SYNDIG1L: variants seen among roughly 807,000 people sequenced by gnomAD.
The protein encoded by SYNDIG1L is synapse differentiation-inducing gene protein 1-like.
Under a neutral mutation model 20.1 loss-of-function variants are expected in SYNDIG1L, and 13 were observed. That is an observed-to-expected ratio of 0.65 (90% CI 0.42 to 1.03). The LOEUF is 1.03. SYNDIG1L is among the 50% of genes least tolerant of loss of function. The pLI, the probability that SYNDIG1L is intolerant of heterozygous loss-of-function variation, is 0.00. For missense variants in SYNDIG1L, 294 were observed against 305.1 expected, an observed-to-expected ratio of 0.96 and a Z score of 0.27; for synonymous variants, 128 against 129.3, an observed-to-expected ratio of 0.99 and a Z score of 0.07.
At chr14:74,467,049 G>A in the SYNDIG1L span, among the ~76,000 whole-genome samples, 133 of 152,326 alleles carry the variant, frequency 8.7e-4, no homozygotes, top group Admixed American at 1.5e-3. Context: ...GCTTTGGGTG[G>A]AGAGGTGGGA....
Position 74,407,625 on chromosome 14 carries a change from T to A in SYNDIG1L, c.627A>T (p.Leu209=), listed in dbSNP as rs1300025757. 1 of 1,613,886 alleles carries A rather than the reference T, an allele frequency of 6.2e-7. No homozygotes were observed. The highest frequency in any genetic ancestry group is 1.7e-5 in the Admixed American group (1 of 60,006). The part of the protein sequence containing the change: ...ASTTSRRALF[L]ATLAIAVGAG... ...CCCCCACGGCGATGGCGAGTGTGGC[T>A]AGGAAGAGGGCCCGGCGGGAGGTGG... Residue 209 remains leucine, a synonymous_variant, in exon 4 of 4, where the codon CTA becomes CTT. Coordinates refer to ENST00000331628, the MANE Select transcript of SYNDIG1L (RefSeq NM_001105579.2).
chr14:74,411,291 G>T (rs917047036), intron 1 of SYNDIG1L, among the ~76,000 whole-genome samples: 1 of 152,240 alleles, frequency 6.6e-6, no homozygotes, highest in African/African-American at 2.4e-5. Flanking sequence ...TGGAGCCAAA[G>T]AGATGGCTGG....
chr14:74,430,997 C>T (rs182856231), upstream of SYNDIG1L, among the ~76,000 whole-genome samples: 1 of 152,054 alleles, frequency 6.6e-6, no homozygotes, highest in Admixed American at 6.5e-5. Context: ...AATACCAAGC[C>T]AAAAGAAAAA....
the SYNDIG1L span, among the ~76,000 whole-genome samples, chr14:74,478,010 A>C: frequency 6.6e-6 from 1 of 152,232 alleles, no homozygotes; most frequent in Non-Finnish European, 1.5e-5. Flanking sequence ...GATGGCTGGC[A>C]AACAGTCACA....
chr14:74,426,261 C>T (rs576888360), upstream of SYNDIG1L, among the ~76,000 whole-genome samples: 297 of 152,148 alleles, frequency 2.0e-3, 6 homozygotes, highest in Admixed American at 0.019. Flanking sequence ...GCCGCCGCCG[C>T]CTCCCTCTCG....
chr14:74,456,276 T>A, the SYNDIG1L span, among the ~76,000 whole-genome samples: 1 of 152,214 alleles, frequency 6.6e-6, no homozygotes, highest in Non-Finnish European at 1.5e-5. Context: ...ATGCCTGTAA[T>A]CCCAGCACTT....
intron 1 of SYNDIG1L, among the ~76,000 whole-genome samples, chr14:74,414,285 C>A (rs1188232312): frequency 6.6e-6 from 1 of 152,178 alleles, no homozygotes; most frequent in African/African-American, 2.4e-5. Context: ...TACTCTGCTC[C>A]AGAGGAACTA....
chr14:74,453,808 A>G, the SYNDIG1L span, among the ~76,000 whole-genome samples: 3 of 151,950 alleles, frequency 2.0e-5, no homozygotes, highest in African/African-American at 4.8e-5. Flanking sequence ...AAACAAAACA[A>G]AAGAAAAATT....
chr14:74,445,454 T>TTGTGTG, the SYNDIG1L span, among the ~76,000 whole-genome samples: 364 of 147,860 alleles, frequency 2.5e-3, 1 homozygote, highest in Admixed American at 4.1e-3. Flanking sequence ...GTATTAAAAT[T>TTGTGTG]TGTGTGTGTG....
chr14:74,429,209 G>A (rs575754167), upstream of SYNDIG1L, among the ~76,000 whole-genome samples: 44 of 152,148 alleles, frequency 2.9e-4, no homozygotes, highest in Admixed American at 2.2e-3. Context: ...AAGCATCCTC[G>A]CTGGGACTAG....
the SYNDIG1L span, among the ~76,000 whole-genome samples, chr14:74,449,438 CAA>C: frequency 8.3e-3 from 283 of 33,954 alleles, no homozygotes; most frequent in Admixed American, 0.013. Flanking sequence ...CCTGTCTTTA[CAA>C]AAAAAAAAAA....
intron 1 of SYNDIG1L, among the ~76,000 whole-genome samples, chr14:74,418,580 GT>G (rs1391847139): frequency 6.6e-6 from 1 of 152,120 alleles, no homozygotes; most frequent in Non-Finnish European, 1.5e-5. Flanking sequence ...CCTAATCTGG[GT>G]GGGCTTGCAA....
chr14:74,477,551 T>TA, the SYNDIG1L span, among the ~76,000 whole-genome samples: 2 of 152,324 alleles, frequency 1.3e-5, no homozygotes, highest in Admixed American at 6.5e-5. Context: ...CTGTTCCTTT[T>TA]AAAAAAAGTC....
At chr14:74,444,077 A>AT in the SYNDIG1L span, among the ~76,000 whole-genome samples, 1 of 151,934 alleles carries the variant, frequency 6.6e-6, no homozygotes, top group African/African-American at 2.4e-5. Flanking sequence ...ATTTTATTTT[A>AT]TTTTTTTTAG....
At chr14:74,454,859 A>G in the SYNDIG1L span, among the ~76,000 whole-genome samples, 2 of 152,232 alleles carry the variant, frequency 1.3e-5, no homozygotes, top group African/African-American at 2.4e-5. Flanking sequence ...TGTGAGGTTT[A>G]ATTGTATGTG....
chr14:74,449,610 TAAAAAAAAAAA>T, the SYNDIG1L span, among the ~76,000 whole-genome samples: 1 of 124,618 alleles, frequency 8.0e-6, no homozygotes, highest in Non-Finnish European at 1.7e-5. Flanking sequence ...GACTGTGCCT[TAAAAAAAAAAA>T]AAGAAAAAAG....
the SYNDIG1L span, among the ~76,000 whole-genome samples, chr14:74,436,403 A>G: frequency 4.6e-5 from 7 of 151,898 alleles, no homozygotes; most frequent in African/African-American, 1.7e-4. Flanking sequence ...TAATTTATTT[A>G]TTTATTATTT....
At chr14:74,422,451 G>A (rs895968515) in intron 1 of SYNDIG1L, among the ~76,000 whole-genome samples, 1 of 152,084 alleles carries the variant, frequency 6.6e-6, no homozygotes. Flanking sequence ...CCAGGCTGAA[G>A]GCTGTTCCTC....
the SYNDIG1L span, among the ~76,000 whole-genome samples, chr14:74,443,609 G>A: frequency 6.6e-6 from 1 of 152,352 alleles, no homozygotes; most frequent in Non-Finnish European, 1.5e-5. Flanking sequence ...GGAGCTGAGT[G>A]TGTTTGCCTT....
Sources: gnomAD v4.1 joint callset for allele counts (sites outside exome capture counted in the v4.1 genomes callset) on GRCh38, gnomAD v4.1.1 for gene constraint, MANE v1.5 for transcripts, NCBI Gene and HGNC (gene_info 2026-07-23, HGNC 2026-07-21) for gene names.